MED13L: variants seen among roughly 807,000 people sequenced by gnomAD.
MED13L encodes the protein mediator of RNA polymerase II transcription subunit 13-like.
MED13L carries 7 observed loss-of-function variants against 220.9 expected under a neutral mutation model. The ratio of observed to expected loss-of-function variants is 0.03; its 90% CI spans 0.02 to 0.06. The LOEUF (loss-of-function observed/expected upper bound fraction) is 0.06, where lower values mean the gene tolerates loss of function less well. MED13L is among the 10% of genes least tolerant of loss of function. The probability of loss-of-function intolerance (pLI) is 1.00; values close to 1 mark genes in which losing one functional copy is unlikely to be tolerated. For synonymous variants in MED13L, 1,011 were observed against 1,015.2 expected, an observed-to-expected ratio of 1.00 and a Z score of 0.08; for missense variants, 1,965 against 2,760.5, an observed-to-expected ratio of 0.71 and a Z score of 6.46.
At chr12:115,968,478 C>T (rs1876354697) in intron 28 of MED13L, among the ~76,000 whole-genome samples, 1 of 152,134 alleles carries the variant, frequency 6.6e-6, no homozygotes, top group African/African-American at 2.4e-5. Flanking sequence ...ATGACTAAGC[C>T]AGGACACGCA....
chr12:116,143,372 T>C (rs1593094888), intron 2 of MED13L, among the ~76,000 whole-genome samples: 1 of 149,284 alleles, frequency 6.7e-6, no homozygotes, highest in South Asian at 2.1e-4. Context: ...AAAGAAAGAA[T>C]GAATGAATGA....
At chr12:116,088,232 C>T (rs1485968118) in intron 4 of MED13L, among the ~76,000 whole-genome samples, 1 of 152,056 alleles carries the variant, frequency 6.6e-6, no homozygotes, top group African/African-American at 2.4e-5. Context: ...AGAAACCCGA[C>T]CTTGGTTCTT....
At chr12:116,076,850 CCATCTTTTATA>C (rs1870842459) in intron 4 of MED13L, among the ~76,000 whole-genome samples, 1 of 152,318 alleles carries the variant, frequency 6.6e-6, no homozygotes, top group Non-Finnish European at 1.5e-5. Context: ...AAGCAATTCA[CCATCTTTTATA>C]CATCTTGGGC....
At chr12:116,125,929 AATT>A (rs1195942941) in intron 2 of MED13L, among the ~76,000 whole-genome samples, 2 of 152,210 alleles carry the variant, frequency 1.3e-5, no homozygotes, top group African/African-American at 2.4e-5. Context: ...TAGAATCACA[AATT>A]ATTATTCTCA....
chr12:116,009,231 A>G, intron 9 of MED13L, 99 bp from the exon 10 acceptor site: 1 of 1,163,234 alleles, frequency 8.6e-7, no homozygotes. Context: ...GTACTAATAC[A>G]TATAAAAGGG....
intron 2 of MED13L, among the ~76,000 whole-genome samples, chr12:116,193,859 TCTC>T (rs1401363594): frequency 6.6e-6 from 1 of 152,102 alleles, no homozygotes; most frequent in East Asian, 1.9e-4. Context: ...TGTACATCAG[TCTC>T]CTAAGAAATA....
intron 4 of MED13L, among the ~76,000 whole-genome samples, chr12:116,083,756 C>A (rs1337375134): frequency 6.6e-6 from 1 of 152,154 alleles, no homozygotes; most frequent in African/African-American, 2.4e-5. Flanking sequence ...GGAAAACTGG[C>A]CCCTGTTCCT....
intron 4 of MED13L, among the ~76,000 whole-genome samples, chr12:116,075,188 T>C (rs1362124567): frequency 1.3e-5 from 2 of 152,258 alleles, no homozygotes; most frequent in African/African-American, 4.8e-5. Flanking sequence ...ATTATTTCTT[T>C]GCCAAGACTA....
At chr12:116,167,253 T>C (rs1427569172) in intron 2 of MED13L, among the ~76,000 whole-genome samples, 1 of 152,160 alleles carries the variant, frequency 6.6e-6, no homozygotes, top group Non-Finnish European at 1.5e-5. Context: ...GGGTATGGAA[T>C]TGTTGGCAAG....
chr12:116,178,700 T>C (rs1436413132), intron 2 of MED13L, among the ~76,000 whole-genome samples: 1 of 152,196 alleles, frequency 6.6e-6, no homozygotes, highest in South Asian at 2.1e-4. Context: ...TTCCTCCCAC[T>C]AGCCTCTTGA....
At chr12:116,024,554 A>G (rs1880253101) in intron 4 of MED13L, among the ~76,000 whole-genome samples, 3 of 152,014 alleles carry the variant, frequency 2.0e-5, no homozygotes, top group Non-Finnish European at 2.9e-5. Flanking sequence ...TAGTTTGCAA[A>G]TATTTTCTCC....
chr12:116,164,523 T>C (rs898611792), intron 2 of MED13L, among the ~76,000 whole-genome samples: 17 of 152,222 alleles, frequency 1.1e-4, no homozygotes, highest in African/African-American at 3.6e-4. Flanking sequence ...AGCTGCTACA[T>C]TTAAAACCAG....
chr12:116,149,317 G>T (rs1877847734), intron 2 of MED13L, among the ~76,000 whole-genome samples: 1 of 152,050 alleles, frequency 6.6e-6, no homozygotes. Flanking sequence ...TTAATTAAAG[G>T]CTGATCAGAA....
At position 116,006,525 on chromosome 12, in the gene MED13L, T is replaced by C. The variant is rs567361491; in HGVS notation, c.2239-114A>G. Reference sequence around the variant, plus strand: ...ATGGAACTTGTTATGAGCACAAGTATGATAAACCATGGTCTATGCAACCAA... The same window carrying C: ...ATGGAACTTGTTATGAGCACAAGTACGATAAACCATGGTCTATGCAACCAA... On this transcript the variant is annotated intron_variant, in intron 11 of 30. Coordinates refer to ENST00000281928, the MANE Select transcript of MED13L (RefSeq NM_015335.5). 157 of 834,770 alleles carry C rather than the reference T, an allele frequency of 1.9e-4. 1 individual carries two copies. The African/African-American group carries it at 2.4e-3, about 13-fold the overall frequency. 51.7% of individuals were successfully genotyped at this position (834,770 alleles called of 1,614,324 possible). A position where few individuals can be genotyped will look rare whatever the true frequency, so the allele number is the denominator to read the frequency against.
Position 116,185,349 on chromosome 12 carries a change from C to CT in MED13L, c.310+52118dup, listed in dbSNP as rs935155943. ...TTGATCACTATAACACAAGTTCATT[C>CT]TTTTTTTTTTTTAGTCTACATTTCA... On this transcript the variant is annotated intron_variant, in intron 2 of 30. Transcript: ENST00000281928. 9.9e-4 allele frequency among the ~76,000 whole-genome samples: 136 copies of CT among 137,856 alleles called. 1 individual carries two copies. The highest frequency in any genetic ancestry group is 1.4e-3 in the Admixed American group (20 of 13,936). The allele number at this position is 137,856 out of a possible 152,430, so 90.4% of individuals were successfully genotyped here.
At chr12:116,000,382 C>T (rs1878663598) in intron 14 of MED13L, among the ~76,000 whole-genome samples, 1 of 152,226 alleles carries the variant, frequency 6.6e-6, no homozygotes, top group Admixed American at 6.5e-5. Flanking sequence ...GCCCACAGCG[C>T]TCTGCTTACT....
At chr12:116,263,660 T>A (rs1001606919) in intron 1 of MED13L, among the ~76,000 whole-genome samples, 1 of 152,162 alleles carries the variant, frequency 6.6e-6, no homozygotes, top group Non-Finnish European at 1.5e-5. Flanking sequence ...CAAACCAAAC[T>A]TCAGTTTAAA....
At chr12:116,121,160 T>C (rs1875059126) in intron 2 of MED13L, among the ~76,000 whole-genome samples, 1 of 152,146 alleles carries the variant, frequency 6.6e-6, no homozygotes, top group Non-Finnish European at 1.5e-5. Flanking sequence ...ATCCTCATAA[T>C]CAAATATTTA....
chr12:116,177,135 G>A (rs964633936), intron 2 of MED13L, among the ~76,000 whole-genome samples: 2 of 151,740 alleles, frequency 1.3e-5, no homozygotes, highest in African/African-American at 2.4e-5. Flanking sequence ...TGTGTAATGA[G>A]TACCCCCCTC....
Sources: gnomAD v4.1 joint callset for allele counts (sites outside exome capture counted in the v4.1 genomes callset) on GRCh38, gnomAD v4.1.1 for gene constraint, MANE v1.5 for transcripts, NCBI Gene and HGNC (gene_info 2026-07-23, HGNC 2026-07-21) for gene names.